TMEM165: variants seen among roughly 807,000 people sequenced by gnomAD.
TMEM165 encodes the protein transmembrane protein 165, also known as putative divalent cation/proton antiporter TMEM165.
TMEM165 carries 19 observed loss-of-function variants against 30.0 expected under a neutral mutation model. That is an observed-to-expected ratio of 0.63 (90% CI 0.44 to 0.93). The LOEUF is 0.93. Among genes scored for constraint, TMEM165 ranks in the 40% least tolerant of loss-of-function variants. The pLI, the probability that TMEM165 is intolerant of heterozygous loss-of-function variation, is 0.00. For synonymous variants in TMEM165, 168 were observed against 162.9 expected, an observed-to-expected ratio of 1.03 and a Z score of -0.24; for missense variants, 340 against 417.0, an observed-to-expected ratio of 0.82 and a Z score of 1.61.
Position 55,425,569 on chromosome 4 carries a change from TGA to T in TMEM165, c.*119_*120del, listed in dbSNP as rs1722161963. 3 of 784,324 alleles carry T rather than the reference TGA, an allele frequency of 3.8e-6. No individual in the cohort carries two copies. Among genetic ancestry groups the T allele is most frequent in the Admixed American group, 5.3e-5 (2 of 37,672 alleles). 48.6% of individuals were successfully genotyped at this position (784,324 alleles called of 1,614,324 possible). A position where few individuals can be genotyped will look rare whatever the true frequency, so the allele number is the denominator to read the frequency against. Reference sequence around the variant, plus strand: ...ACTGTATTTTGTAGCACTGATTTTGTGAGTTTGACCCATTATTATGTCTGAGA... The same window carrying T: ...ACTGTATTTTGTAGCACTGATTTTGTGTTTGACCCATTATTATGTCTGAGA... On this transcript the variant is annotated 3_prime_UTR_variant, in exon 6 of 6. Transcript: ENST00000381334.
exon 4 of TMEM165, chr4:55,453,088 A>G: frequency 6.2e-7 from 1 of 1,612,792 alleles, no homozygotes; most frequent in Non-Finnish European, 8.5e-7. Context: ...AGACTCTTCA[A>G]TGCCAAGTTC....
chr4:55,449,956 G>A, intron 3 of TMEM165: 1 of 1,095,638 alleles, frequency 9.1e-7, no homozygotes, highest in Non-Finnish European at 1.3e-6. Context: ...TTAACTCACT[G>A]GAAAGGTTAC....
chr4:55,404,844 G>A (rs1466754774), intron 1 of TMEM165, among the ~76,000 whole-genome samples: 2 of 152,160 alleles, frequency 1.3e-5, no homozygotes, highest in African/African-American at 4.8e-5. Flanking sequence ...CATCTCAGGT[G>A]TATGAACTTG....
chr4:55,453,197 C>A, exon 4 of TMEM165: 1 of 1,266,818 alleles, frequency 7.9e-7, no homozygotes, highest in South Asian at 1.2e-5. Flanking sequence ...ACAGCTGTAA[C>A]TATTCAGTGT....
chr4:55,402,794 G>GTTTTTTTTT (rs1491276185), intron 1 of TMEM165, among the ~76,000 whole-genome samples: 2 of 52,518 alleles, frequency 3.8e-5, no homozygotes, highest in African/African-American at 1.7e-4. Flanking sequence ...TTTAAAAAAA[G>GTTTTTTTTT]CTTTTTTTTT....
chr4:55,427,068 C>A (rs1413023990), downstream of TMEM165, among the ~76,000 whole-genome samples: 4 of 145,388 alleles, frequency 2.8e-5, no homozygotes, highest in African/African-American at 1.0e-4. Flanking sequence ...GAGTCTCACT[C>A]TGTCGCCCAG....
chr4:55,434,510 T>C (rs1722732458), intron 3 of TMEM165: 1 of 152,586 alleles, frequency 6.6e-6, no homozygotes, highest in Admixed American at 6.6e-5. Context: ...GCAAATCCTA[T>C]TTTCAAACAT....
intron 1 of TMEM165, among the ~76,000 whole-genome samples, chr4:55,401,372 C>G (rs1260106218): frequency 1.3e-5 from 2 of 150,592 alleles, no homozygotes; most frequent in South Asian, 2.1e-4. Flanking sequence ...TTTCCCTGGA[C>G]AGAATATGTA....
rs377397558 is a variant in TMEM165 at position 55,424,685 on chromosome 4, A to C, written c.898+42A>C. On this transcript the variant is annotated intron_variant, in intron 5 of 5. Coordinates refer to ENST00000381334, the MANE Select transcript of TMEM165 (RefSeq NM_018475.5). ...ACAAATCAGATAACATTTTAGAATC[A>C]CTGAGAGATTAAAGGGTGTTAGCTT... 9 of 1,282,724 alleles carry C rather than the reference A, an allele frequency of 7.0e-6. No individual in the cohort carries two copies. In the East Asian group the frequency reaches 2.1e-4, roughly 30 times the overall value. 79.5% of individuals were successfully genotyped at this position (1,282,724 alleles called of 1,614,324 possible). A position where few individuals can be genotyped will look rare whatever the true frequency, so the allele number is the denominator to read the frequency against.
At chr4:55,431,123 A>G (rs1722473022), downstream of TMEM165, 1 of 152,228 alleles carries the variant, frequency 6.6e-6, no homozygotes, top group Non-Finnish European at 1.5e-5. Context: ...TTACATTTCA[A>G]AATGATGCTT....
chr4:55,431,078 CTT>C (rs980911971), downstream of TMEM165: 3 of 152,160 alleles, frequency 2.0e-5, no homozygotes, highest in Non-Finnish European at 4.4e-5. Context: ...TAAGAATAAA[CTT>C]TATCAAAATG....
At chr4:55,405,194 A>G (rs1418280404) in intron 1 of TMEM165, among the ~76,000 whole-genome samples, 1 of 152,216 alleles carries the variant, frequency 6.6e-6, no homozygotes, top group Non-Finnish European at 1.5e-5. Context: ...GCAACCAGAT[A>G]GAGTACGTCC....
exon 4 of TMEM165, chr4:55,453,136 A>C: frequency 6.2e-7 from 1 of 1,610,562 alleles, no homozygotes; most frequent in Non-Finnish European, 8.5e-7. Context: ...ATAACTACAA[A>C]TGGAAAAAAT....
exon 4 of TMEM165, chr4:55,453,184 T>A (rs544412151): frequency 7.5e-7 from 1 of 1,325,882 alleles, no homozygotes; most frequent in African/African-American, 1.4e-5. Flanking sequence ...TTTAAAATAC[T>A]GCACAGCTGT....
chr4:55,403,516 A>ATTTTTTT (rs1398677528), intron 1 of TMEM165, among the ~76,000 whole-genome samples: 4 of 128,510 alleles, frequency 3.1e-5, no homozygotes, highest in African/African-American at 3.1e-5. Flanking sequence ...TTTTTTTACA[A>ATTTTTTT]TTTTTACATT....
chr4:55,402,403 GTATATATATATATATATA>G (rs869107499), intron 1 of TMEM165, among the ~76,000 whole-genome samples: 9 of 48,184 alleles, frequency 1.9e-4, no homozygotes, highest in African/African-American at 4.2e-4. Flanking sequence ...GTGTGTGTGT[GTATATATATATATATATA>G]TATATATATA....
chr4:55,442,723 C>A, intron 3 of TMEM165: 1 of 1,136,754 alleles, frequency 8.8e-7, no homozygotes, highest in Non-Finnish European at 1.3e-6. Context: ...AACAATATGA[C>A]AATATGACAG....
intron 3 of TMEM165, among the ~76,000 whole-genome samples, chr4:55,447,035 AGTTTTTTTTTTT>A (rs1723914571): frequency 6.6e-6 from 1 of 151,786 alleles, no homozygotes; most frequent in Admixed American, 6.6e-5. Flanking sequence ...AACTCCCTCA[AGTTTTTTTTTTT>A]GTTTTTTTTT....
chr4:55,448,594 A>ACGCGCGCG lies in TMEM165; in HGVS notation c.409-3644_409-3637dup, dbSNP rs1553891178. ...TATAATTATATATGTGCGCGCGCGC[A>ACGCGCGCG]CGCGCGCGTGTGTGTGTGTGTGTGT... On this transcript the variant is annotated intron_variant, in intron 3 of 3. Coordinates refer to the TMEM165 transcript ENST00000608091. Among the ~76,000 whole-genome samples the ACGCGCGCG allele has an allele frequency of 3.3e-3, 267 of 81,362 alleles. 1 individual carries two copies. Among genetic ancestry groups the ACGCGCGCG allele is most frequent in the African/African-American group, 9.7e-3 (217 of 22,322 alleles). The allele number at this position is 81,362 out of a possible 152,430, so 53.4% of individuals were successfully genotyped here.
Sources: gnomAD v4.1 joint callset for allele counts (sites outside exome capture counted in the v4.1 genomes callset) on GRCh38, gnomAD v4.1.1 for gene constraint, MANE v1.5 for transcripts, NCBI Gene and HGNC (gene_info 2026-07-23, HGNC 2026-07-21) for gene names.